The following ZNF385B variants were observed in gnomAD, a reference collection of about 807,000 sequenced individuals.
ZNF385B encodes zinc finger protein 385B.
Under a neutral mutation model 39.2 loss-of-function variants are expected in ZNF385B, and 23 were observed. That is an observed-to-expected ratio of 0.59 (90% confidence interval 0.42 to 0.83). The LOEUF (loss-of-function observed/expected upper bound fraction) is 0.83. Among genes scored for constraint, ZNF385B ranks in the 40% least tolerant of loss-of-function variants. The pLI is 0.00. For missense variants in ZNF385B, 552 were observed against 598.9 expected, an observed-to-expected ratio of 0.92 and a Z score of 0.82; for synonymous variants, 205 against 222.6, an observed-to-expected ratio of 0.92 and a Z score of 0.70.
chr2:179,634,995 A>T (rs1691611610), intron 3 of ZNF385B, among the ~76,000 whole-genome samples: 1 of 123,920 alleles, frequency 8.1e-6, no homozygotes, highest in African/African-American at 3.1e-5. Flanking sequence ...AAAAAAAAAT[A>T]GCCAGGCGTG....
At chr2:179,585,986 G>A (rs144831646) in intron 3 of ZNF385B, 8 of 152,352 alleles carry the variant, frequency 5.3e-5, no homozygotes, top group Admixed American at 5.2e-4. Context: ...GAATCCTTAT[G>A]TCACAGAAAG....
intron 3 of ZNF385B, among the ~76,000 whole-genome samples, chr2:179,576,998 C>T (rs994445757): frequency 5.5e-4 from 84 of 152,058 alleles, no homozygotes; most frequent in African/African-American, 1.7e-3. Flanking sequence ...TCACAACAGA[C>T]GGCTTTAAGC....
At chr2:179,476,188 G>A (rs1236774797) in intron 6 of ZNF385B, among the ~76,000 whole-genome samples, 7 of 152,080 alleles carry the variant, frequency 4.6e-5, no homozygotes, top group African/African-American at 1.7e-4. Context: ...AGTAAGTAGA[G>A]TGTCATAAAA....
Position 179,518,559 on chromosome 2 carries a change from C to T in ZNF385B, c.521G>A (p.Cys174Tyr). Residue 174 changes from cysteine (C) to tyrosine (Y), a missense_variant, in exon 5 of 10, where the codon TGT becomes TAT. Physicochemically the swap from Cys to Tyr is radical, Grantham distance 194. Transcript: ENST00000410066. ...GTTAAAGCGAAGCTGACAGACATTA[C>T]AAGAAATAACTTGTTTCTTCTTTGG... ...IPPKKKQVISCNVCQLRFNSD... is the reference protein window; with the variant it reads ...IPPKKKQVISYNVCQLRFNSD... 6.2e-7 allele frequency: 1 copy of T among 1,608,376 alleles called. No homozygotes were observed. The highest frequency in any genetic ancestry group is 8.5e-7 in the Non-Finnish European group (1 of 1,178,082).
chr2:179,833,867 T>A lies in ZNF385B; in HGVS notation c.-155+27234A>T, dbSNP rs368470809. Among the ~76,000 whole-genome samples, 3 of 152,170 alleles carry A rather than the reference T, an allele frequency of 2.0e-5. No homozygotes were observed. In the East Asian group the frequency reaches 5.8e-4, roughly 29 times the overall value. ...AACTTGTGGACATAGCGTATGACTT[T>A]ATATCATCAATGAAATACATTCTAA... is the stretch of plus-strand genomic sequence containing the variant. On this transcript the variant is annotated intron_variant, in intron 1 of 9. Coordinates refer to ENST00000410066, the MANE Select transcript of ZNF385B (RefSeq NM_152520.6).
In ZNF385B at chr2:179,715,468, G is replaced by A. The variant is rs563940420; in HGVS notation, c.298+54035C>T. 3.3e-5 allele frequency among the ~76,000 whole-genome samples: 5 copies of A among 152,268 alleles called. No homozygotes were observed. The South Asian group carries it at 8.3e-4, about 25-fold the overall frequency. On this transcript the variant is annotated intron_variant, in intron 3 of 9. Transcript: ENST00000410066. ...AGGATTGTAGGTAACTCCAGAAAAA[G>A]GGATTTACTGAGAAAGCACTGGGAC...
chr2:179,594,620 TA>T (rs1266431256), intron 3 of ZNF385B, among the ~76,000 whole-genome samples: 1 of 152,202 alleles, frequency 6.6e-6, no homozygotes, highest in Non-Finnish European at 1.5e-5. Context: ...ATCACTGCTG[TA>T]AGCCCATTAT....
chr2:179,454,060 C>T (rs957859425), intron 6 of ZNF385B, among the ~76,000 whole-genome samples: 1 of 152,118 alleles, frequency 6.6e-6, no homozygotes, highest in Non-Finnish European at 1.5e-5. Flanking sequence ...CATGGTTCAA[C>T]CTGAGCCAGA....
chr2:179,675,630 C>CA (rs1696649909), intron 3 of ZNF385B, among the ~76,000 whole-genome samples: 1 of 151,944 alleles, frequency 6.6e-6, no homozygotes, highest in African/African-American at 2.4e-5. Flanking sequence ...TGGAGTAAGG[C>CA]AAGAGCAGGA....
intron 3 of ZNF385B, among the ~76,000 whole-genome samples, chr2:179,647,476 G>T (rs1444815770): frequency 6.6e-6 from 1 of 152,068 alleles, no homozygotes; most frequent in Non-Finnish European, 1.5e-5. Context: ...AGTCTGACCA[G>T]GAGATCACTG....
intron 3 of ZNF385B, among the ~76,000 whole-genome samples, chr2:179,639,545 G>T (rs1208602520): frequency 6.6e-6 from 1 of 151,808 alleles, no homozygotes; most frequent in Non-Finnish European, 1.5e-5. Flanking sequence ...TAATAAATCT[G>T]AGAAAAAACA....
At chr2:179,521,902 T>C (rs1305911046) in intron 4 of ZNF385B, among the ~76,000 whole-genome samples, 1 of 152,224 alleles carries the variant, frequency 6.6e-6, no homozygotes. Context: ...TATTTTCCTC[T>C]TGATTCTGTA....
intron 1 of ZNF385B, among the ~76,000 whole-genome samples, chr2:179,850,731 G>A (rs1575598141): frequency 6.6e-6 from 1 of 152,180 alleles, no homozygotes; most frequent in Non-Finnish European, 1.5e-5. Flanking sequence ...GCTTCAACAA[G>A]TGTTGAAATC....
intron 1 of ZNF385B, among the ~76,000 whole-genome samples, chr2:179,816,003 A>AACAC (rs151173257): frequency 5.3e-5 from 8 of 149,978 alleles, no homozygotes; most frequent in South Asian, 2.1e-4. Context: ...ACTTACATAT[A>AACAC]ACACACACAC....
At chr2:179,665,888 T>G (rs1331077202) in intron 3 of ZNF385B, among the ~76,000 whole-genome samples, 1 of 152,188 alleles carries the variant, frequency 6.6e-6, no homozygotes, top group Admixed American at 6.5e-5. Flanking sequence ...CTTATTTCTA[T>G]GCAAAGCCAG....
intron 3 of ZNF385B, among the ~76,000 whole-genome samples, chr2:179,694,493 G>T (rs1698572867): frequency 6.6e-6 from 1 of 151,868 alleles, no homozygotes; most frequent in African/African-American, 2.4e-5. Context: ...CCTTTAAACT[G>T]ACATTTTAAA....
intron 1 of ZNF385B, among the ~76,000 whole-genome samples, chr2:179,841,021 TAC>T (rs1708508283): frequency 6.6e-6 from 1 of 152,250 alleles, no homozygotes; most frequent in South Asian, 2.1e-4. Flanking sequence ...GTCCTCAGAA[TAC>T]AGATTGTAAA....
intron 1 of ZNF385B, among the ~76,000 whole-genome samples, chr2:179,801,559 T>A (rs1706036016): frequency 6.6e-6 from 1 of 152,178 alleles, no homozygotes. Flanking sequence ...TTTATTGTAG[T>A]CATGTCTATC....
intron 1 of ZNF385B, among the ~76,000 whole-genome samples, chr2:179,819,724 G>T (rs1707289563): frequency 6.6e-6 from 1 of 152,206 alleles, no homozygotes; most frequent in East Asian, 1.9e-4. Context: ...TCAAGGACAG[G>T]TCAAAGGTCT....
Sources: gnomAD v4.1 joint callset for allele counts (sites outside exome capture counted in the v4.1 genomes callset) on GRCh38, gnomAD v4.1.1 for gene constraint, MANE v1.5 for transcripts, NCBI Gene and HGNC (gene_info 2026-07-23, HGNC 2026-07-21) for gene names.